PCDHGC5: variants seen among roughly 807,000 people sequenced by gnomAD.
PCDHGC5 encodes protocadherin gamma-C5.
Under a neutral mutation model 59.0 loss-of-function variants are expected in PCDHGC5, and 25 were observed. The ratio of observed to expected loss-of-function variants is 0.42; its 90% confidence interval spans 0.31 to 0.59. The LOEUF (loss-of-function observed/expected upper bound fraction) is 0.59, where lower values mean the gene tolerates loss of function less well. Ranked by LOEUF, PCDHGC5 falls within the 20% of genes least tolerant of loss-of-function variation. The pLI is 0.13. For synonymous variants in PCDHGC5, 434 were observed against 505.5 expected, an observed-to-expected ratio of 0.86 and a Z score of 1.90; for missense variants, 1,067 against 1,206.4, an observed-to-expected ratio of 0.88 and a Z score of 1.71.
chr5:141,491,178 C>T lies in PCDHGC5; in HGVS notation c.1938C>T (p.Val646=), dbSNP rs774139827. 6.2e-7 allele frequency: 1 copy of T among 1,614,146 alleles called. No individual in the cohort carries two copies. The highest frequency in any genetic ancestry group is 8.5e-7 in the Non-Finnish European group (1 of 1,179,992). The change falls in exon 1 of 4, where the codon GTC becomes GTT. Residue 646 remains valine, a synonymous_variant. Coordinates refer to ENST00000252087, the MANE Select transcript of PCDHGC5 (RefSeq NM_018929.3). The surrounding 1 kb of genome is among the most constrained non-coding windows in gnomAD (Gnocchi z 6.9). ...ACTCTGACACCCAGCAGGTGGTGGT[C>T]CTGGTGAGGGACAATGGTGACCCTT... ...EDDSDTQQVV[V]LVRDNGDPSL...
Position 141,490,330 on chromosome 5 carries a change from C to T in PCDHGC5, c.1090C>T (p.Pro364Ser), listed in dbSNP as rs2099698666. ...GGCCAACCCTGTCCTAGAGAGCACA[C>T]CAGTGGGCACAGTAGTGGGGTTGTT... is the stretch of plus-strand genomic sequence containing the variant. ...SLANPVLEST[P>S]VGTVVGLFNV... Residue 364 changes from proline to serine, a missense_variant, in exon 1 of 4, where the codon CCA becomes TCA. Transcript: ENST00000252087. The surrounding 1 kb of genome is among the most constrained non-coding windows in gnomAD (Gnocchi z 5.4). 6.2e-7 allele frequency: 1 copy of T among 1,614,080 alleles called. No individual in the cohort carries two copies. Among genetic ancestry groups the T allele is most frequent in the Non-Finnish European group, 8.5e-7 (1 of 1,180,042 alleles).
intron 2 of PCDHGC5, among the ~76,000 whole-genome samples, chr5:141,499,234 A>G (rs1294400331): frequency 6.6e-6 from 1 of 152,008 alleles, no homozygotes; most frequent in Non-Finnish European, 1.5e-5. Flanking sequence ...AGCTGTCCCC[A>G]GCCTCTGCAC....
At position 141,491,514 on chromosome 5, in the gene PCDHGC5, G is replaced by A. The variant is rs753335815; in HGVS notation, c.2274G>A (p.Lys758=). ...AGGTGAGCTCGGACGGCACGCTCAAGTACATGGAGGTGACGCTGCGGCCCA... is the reference window on the plus strand; with the variant it reads ...AGGTGAGCTCGGACGGCACGCTCAAATACATGGAGGTGACGCTGCGGCCCA... ...NLQVSSDGTL[K]YMEVTLRPTD... is the part of the protein sequence containing the mutation. The change falls in exon 1 of 4, where the codon AAG becomes AAA. Residue 758 remains lysine, a synonymous_variant. Coordinates refer to ENST00000252087, the MANE Select transcript of PCDHGC5 (RefSeq NM_018929.3). The surrounding 1 kb of genome is among the most constrained non-coding windows in gnomAD (Gnocchi z 6.9). 2 of 1,613,964 alleles carry A rather than the reference G, an allele frequency of 1.2e-6. No individual in the cohort carries two copies. Among genetic ancestry groups the A allele is most frequent in the East Asian group, 2.2e-5 (1 of 44,892 alleles).
rs1467125550 is a variant in PCDHGC5 at position 141,511,799 on chromosome 5, T to G, written c.*626T>G. 6.4e-6 allele frequency: 1 copy of G among 157,228 alleles called. No homozygotes were observed. The highest frequency in any genetic ancestry group is 1.4e-5 in the Non-Finnish European group (1 of 70,874). 9.7% of individuals were successfully genotyped at this position (157,228 alleles called of 1,614,324 possible). ...TGCTTGCTGGATTTAGGGAGGGCAT[T>G]TTGCTACCAAGCCTCTTCCCAACGC... On this transcript the variant is annotated 3_prime_UTR_variant, in exon 4 of 4. Coordinates refer to ENST00000252087, the MANE Select transcript of PCDHGC5 (RefSeq NM_018929.3).
At chr5:141,508,906 G>A (rs2099872897) in intron 3 of PCDHGC5, among the ~76,000 whole-genome samples, 1 of 152,092 alleles carries the variant, frequency 6.6e-6, no homozygotes, top group Non-Finnish European at 1.5e-5. Context: ...CGGGGCGGTG[G>A]CGGATCTGGC....
chr5:141,489,283 G>A lies in PCDHGC5; in HGVS notation c.43G>A (p.Val15Met). The A allele has an allele frequency of 6.4e-7, 1 of 1,569,594 alleles. No homozygotes were observed. Among genetic ancestry groups the A allele is most frequent in the Admixed American group, 1.8e-5 (1 of 55,646 alleles). ...TLPQLAGKWQVLCMLSLCCWG... is the reference protein window; with the variant it reads ...TLPQLAGKWQMLCMLSLCCWG... ...CCCACAGCTCGCTGGGAAATGGCAA[G>A]TGCTGTGCATGTTGTCCTTGTGCTG... The change falls in exon 1 of 4, where the codon GTG becomes ATG. Residue 15 changes from valine (V) to methionine (M), a missense_variant. By Grantham distance (21) the Val-to-Met change is conservative. Coordinates refer to ENST00000252087, the MANE Select transcript of PCDHGC5 (RefSeq NM_018929.3). This position sits in a 1 kb window ranked among gnomAD's most constrained non-coding sequence, Gnocchi z 4.5.
rs964965013 is a variant in PCDHGC5 at position 141,489,097 on chromosome 5, C to G, written c.-144C>G. The G allele has an allele frequency of 6.4e-6, 2 of 313,448 alleles. No homozygotes were observed. The highest frequency in any genetic ancestry group is 1.1e-4 in the South Asian group (2 of 18,596). 19.4% of individuals were successfully genotyped at this position (313,448 alleles called of 1,614,324 possible). The stretch of plus-strand genomic sequence containing the variant: ...ACCCCCGCCACTCGGTGACTAAGAA[C>G]TGCTGCAAGCAGGCAAACCTCCGAG... On this transcript the variant is annotated 5_prime_UTR_variant, in exon 1 of 4. Coordinates refer to ENST00000252087, the MANE Select transcript of PCDHGC5 (RefSeq NM_018929.3). This position sits in a 1 kb window ranked among gnomAD's most constrained non-coding sequence, Gnocchi z 4.5.
At chr5:141,497,665 G>A (rs1011161465) in intron 2 of PCDHGC5, among the ~76,000 whole-genome samples, 3 of 151,348 alleles carry the variant, frequency 2.0e-5, no homozygotes, top group South Asian at 2.1e-4. Flanking sequence ...TCAGCCTCCC[G>A]AGTAGCTGGG....
rs2154591356 is a variant in PCDHGC5, at chr5:141,493,972, C to G, written c.2461-835C>G. Among the ~76,000 whole-genome samples, 6 of 152,276 alleles carry G rather than the reference C, an allele frequency of 3.9e-5. No homozygotes were observed. In the Middle Eastern group the frequency reaches 0.014, roughly 345 times the overall value. On this transcript the variant is annotated intron_variant, in intron 1 of 3. Coordinates refer to ENST00000252087, the MANE Select transcript of PCDHGC5 (RefSeq NM_018929.3). This position sits in a 1 kb window ranked among gnomAD's most constrained non-coding sequence, Gnocchi z 4.3. ...CAGGAATGAAGTGGCTGGCCAGAGC[C>G]CCACACCTTCAGCTAGGTGGGAGAT...
rs972633773 is a variant in PCDHGC5, at chr5:141,489,751, A to T, written c.511A>T (p.Thr171Ser). ...GGGCACCAATACTGTGAGCTTTTAC[A>T]CTCTAAGCCCCAACAGCCACTTCTC... Reference protein sequence around the residue: ...DVGTNTVSFYTLSPNSHFSLN... With the variant: ...DVGTNTVSFYSLSPNSHFSLN... The change falls in exon 1 of 4, where the codon ACT (threonine) becomes TCT (serine). Residue 171 changes from threonine (T) to serine (S), a missense_variant. By Grantham distance (58) the Thr-to-Ser change is moderately conservative (BLOSUM62 1). Coordinates refer to ENST00000252087, the MANE Select transcript of PCDHGC5 (RefSeq NM_018929.3). The surrounding 1 kb of genome is among the most constrained non-coding windows in gnomAD (Gnocchi z 4.5). The T allele has an allele frequency of 1.9e-6, 3 of 1,613,740 alleles. No individual in the cohort carries two copies. Among genetic ancestry groups the T allele is most frequent in the African/African-American group, 2.7e-5 (2 of 74,840 alleles).
In PCDHGC5 at chr5:141,489,088, G is replaced by GGCA; in HGVS notation, c.-153_-152insGCA. The GGCA allele has an allele frequency of 2.9e-6, 1 of 347,238 alleles. No individual in the cohort carries two copies. Among genetic ancestry groups the GGCA allele is most frequent in the Non-Finnish European group, 5.0e-6 (1 of 200,706 alleles). The allele number at this position is 347,238 out of a possible 1,614,324, so 21.5% of individuals were successfully genotyped here. A position where few individuals can be genotyped will look rare whatever the true frequency, so the allele number is the denominator to read the frequency against. The stretch of plus-strand genomic sequence containing the variant: ...CCCCTGCCCACCCCCGCCACTCGGT[G>GGCA]ACTAAGAACTGCTGCAAGCAGGCAA... On this transcript the variant is annotated 5_prime_UTR_variant, in exon 1 of 4. Coordinates refer to ENST00000252087, the MANE Select transcript of PCDHGC5 (RefSeq NM_018929.3). This position sits in a 1 kb window ranked among gnomAD's most constrained non-coding sequence, Gnocchi z 4.5.
rs976135607 is a variant in PCDHGC5 at position 141,489,115 on chromosome 5, C to A, written c.-126C>A. ...CTAAGAACTGCTGCAAGCAGGCAAA[C>A]CTCCGAGCAGTTTTTAAGAGGCTGG... On this transcript the variant is annotated 5_prime_UTR_variant, in exon 1 of 4. Coordinates refer to ENST00000252087, the MANE Select transcript of PCDHGC5 (RefSeq NM_018929.3). This position sits in a 1 kb window ranked among gnomAD's most constrained non-coding sequence, Gnocchi z 4.5. 7.3e-5 allele frequency: 37 copies of A among 506,794 alleles called. No homozygotes were observed. Among genetic ancestry groups the A allele is most frequent in the Non-Finnish European group, 1.2e-4 (35 of 298,604 alleles). 31.4% of individuals were successfully genotyped at this position (506,794 alleles called of 1,614,324 possible).
In PCDHGC5 at chr5:141,493,364, TTGGAAC is replaced by T. The variant is rs1405602213; in HGVS notation, c.2461-1441_2461-1436del. Among the ~76,000 whole-genome samples, 1 of 152,184 alleles carries T rather than the reference TTGGAAC, an allele frequency of 6.6e-6. No homozygotes were observed. Among genetic ancestry groups the T allele is most frequent in the South Asian group, 2.1e-4 (1 of 4,824 alleles). On this transcript the variant is annotated intron_variant, in intron 1 of 3. Coordinates refer to ENST00000252087, the MANE Select transcript of PCDHGC5 (RefSeq NM_018929.3). The surrounding 1 kb of genome is among the most constrained non-coding windows in gnomAD (Gnocchi z 4.3). Reference sequence around the variant, plus strand: ...ATGTGTGCTTTTAATTTCTTGGCACTTGGAACTTTAAAAGCTTGAGGACAGGAGAGG... The same window carrying T: ...ATGTGTGCTTTTAATTTCTTGGCACTTTTAAAAGCTTGAGGACAGGAGAGG...
intron 2 of PCDHGC5, 84 bp downstream of exon 2, chr5:141,494,949 C>A (rs1193148622): frequency 6.2e-7 from 1 of 1,606,850 alleles, no homozygotes; most frequent in Non-Finnish European, 8.5e-7. Context: ...GAGGGCCCAG[C>A]ATTTGCTACA....
chr5:141,506,162 C>T (rs1448735916), intron 3 of PCDHGC5, among the ~76,000 whole-genome samples: 1 of 152,124 alleles, frequency 6.6e-6, no homozygotes, highest in Non-Finnish European at 1.5e-5. Flanking sequence ...CTTAAGAGCA[C>T]AGCCTAAGCT....
intron 2 of PCDHGC5, among the ~76,000 whole-genome samples, chr5:141,497,016 C>G (rs1384415729): frequency 6.6e-6 from 1 of 152,056 alleles, no homozygotes; most frequent in East Asian, 1.9e-4. Context: ...TGGTGAAACC[C>G]CATCTCGATT....
chr5:141,507,631 C>A (rs1435446169), intron 3 of PCDHGC5, among the ~76,000 whole-genome samples: 1 of 152,236 alleles, frequency 6.6e-6, no homozygotes, highest in Non-Finnish European at 1.5e-5. Context: ...TGTGGCCTTG[C>A]GCCCTGAGGC....
chr5:141,490,338 C>A lies in PCDHGC5; in HGVS notation c.1098C>A (p.Gly366=), dbSNP rs1408559629. The part of the protein sequence containing the change: ...ANPVLESTPV[G]TVVGLFNVRD... Reference sequence around the variant, plus strand: ...CTGTCCTAGAGAGCACACCAGTGGGCACAGTAGTGGGGTTGTTTAATGTGC... The same window carrying A: ...CTGTCCTAGAGAGCACACCAGTGGGAACAGTAGTGGGGTTGTTTAATGTGC... Residue 366 remains glycine (G), a synonymous_variant, in exon 1 of 4, where the codon GGC becomes GGA. Coordinates refer to ENST00000252087, the MANE Select transcript of PCDHGC5 (RefSeq NM_018929.3). This position sits in a 1 kb window ranked among gnomAD's most constrained non-coding sequence, Gnocchi z 5.4. 6.2e-7 allele frequency: 1 copy of A among 1,614,184 alleles called. No homozygotes were observed. The highest frequency in any genetic ancestry group is 1.7e-5 in the Admixed American group (1 of 60,032).
chr5:141,501,374 T>A (rs2099808767), intron 2 of PCDHGC5, among the ~76,000 whole-genome samples: 1 of 151,106 alleles, frequency 6.6e-6, no homozygotes. Context: ...CATCATCTCT[T>A]AAATCCTAGG....
Sources: allele counts gnomAD v4.1 joint callset (sites outside exome capture counted in the v4.1 genomes callset), GRCh38; gene constraint gnomAD v4.1.1; non-coding constraint Gnocchi (gnomAD v3.1); transcripts MANE v1.5; gene names NCBI Gene and HGNC (gene_info 2026-07-23, HGNC 2026-07-21).